RABGAP1L: variants seen among roughly 807,000 people sequenced by gnomAD.
The protein encoded by RABGAP1L is RAB GTPase activating protein 1 like, also known as rab GTPase-activating protein 1-like.
RABGAP1L carries 63 observed loss-of-function variants against 137.7 expected under a neutral mutation model. That is an observed-to-expected ratio of 0.46 (90% CI 0.37 to 0.56). RABGAP1L has a LOEUF of 0.56. RABGAP1L is among the 20% of genes least tolerant of loss of function. The probability of loss-of-function intolerance (pLI) is 0.00; values close to 1 mark genes in which losing one functional copy is unlikely to be tolerated. For missense variants in RABGAP1L, 1,095 were observed against 1,244.0 expected (o/e 0.88, Z 1.80); for synonymous variants, 431 against 433.7 (o/e 0.99, Z 0.08).
At chr1:174,400,774 T>G (rs1366394104) in intron 13 of RABGAP1L, among the ~76,000 whole-genome samples, 1 of 152,096 alleles carries the variant, frequency 6.6e-6, no homozygotes, top group East Asian at 1.9e-4. Flanking sequence ...TAGTGGGTCA[T>G]GTAGATTGAG....
chr1:174,533,242 A>G (rs1026823005), intron 13 of RABGAP1L, among the ~76,000 whole-genome samples: 5 of 152,212 alleles, frequency 3.3e-5, no homozygotes, highest in African/African-American at 1.2e-4. Context: ...TCAAAAATAA[A>G]TAAGCAAACA....
intron 19 of RABGAP1L, among the ~76,000 whole-genome samples, chr1:174,888,965 G>A (rs993738539): frequency 1.6e-4 from 24 of 152,104 alleles, no homozygotes; most frequent in African/African-American, 5.6e-4. Flanking sequence ...ATGTGTGTGT[G>A]TATGCATAAG....
At chr1:174,350,017 A>T (rs1306348215) in intron 11 of RABGAP1L, among the ~76,000 whole-genome samples, 1 of 92,080 alleles carries the variant, frequency 1.1e-5, no homozygotes, top group East Asian at 4.1e-4. Flanking sequence ...GGGGCTCCTC[A>T]CTTCCCAGTA....
chr1:174,953,347 G>A (rs181563549), intron 19 of RABGAP1L, among the ~76,000 whole-genome samples: 1 of 152,272 alleles, frequency 6.6e-6, no homozygotes, highest in Non-Finnish European at 1.5e-5. Context: ...TCCGTCTGAG[G>A]CCAGCATGGC....
intron 1 of RABGAP1L, among the ~76,000 whole-genome samples, chr1:174,209,912 T>C (rs995086977): frequency 1.2e-4 from 19 of 152,270 alleles, no homozygotes; most frequent in African/African-American, 4.1e-4. Flanking sequence ...GGAGATTCCA[T>C]TGGTTTGAGA....
intron 17 of RABGAP1L, among the ~76,000 whole-genome samples, chr1:174,744,341 ATTAAC>A (rs79710842): frequency 0.09 from 13,692 of 152,200 alleles, 830 homozygotes; most frequent in East Asian, 0.22. Context: ...AGCAGCTAGT[ATTAAC>A]TTATTTCTTT....
intron 19 of RABGAP1L, among the ~76,000 whole-genome samples, chr1:174,816,851 C>T (rs1052591187): frequency 2.6e-5 from 4 of 152,114 alleles, no homozygotes; most frequent in African/African-American, 9.7e-5. Flanking sequence ...CCTGCCCAGC[C>T]TTCCGAGTAG....
At chr1:174,639,375 A>G (rs1349299278) in intron 14 of RABGAP1L, among the ~76,000 whole-genome samples, 4 of 152,208 alleles carry the variant, frequency 2.6e-5, no homozygotes, top group African/African-American at 9.6e-5. Context: ...CCACAAAAAA[A>G]GGTATATGTT....
intron 20 of RABGAP1L, among the ~76,000 whole-genome samples, chr1:174,966,044 A>C (rs2149358693): frequency 6.6e-6 from 1 of 152,328 alleles, no homozygotes; most frequent in South Asian, 2.1e-4. Flanking sequence ...TCTCTAATCA[A>C]CAGTGAAGTA....
intron 19 of RABGAP1L, among the ~76,000 whole-genome samples, chr1:174,833,830 G>A (rs1692442662): frequency 6.6e-6 from 1 of 152,034 alleles, no homozygotes; most frequent in African/African-American, 2.4e-5. Context: ...GAAACAGAAA[G>A]TTGTTTTAAG....
At chr1:174,982,929 A>T in intron 24 of RABGAP1L, 24 bp downstream of exon 24, 1 of 1,549,422 alleles carries the variant, frequency 6.5e-7, no homozygotes, top group African/African-American at 1.4e-5. Context: ...TCGTGCTGTG[A>T]TAAAATTTAT....
intron 18 of RABGAP1L, chr1:174,800,465 A>T: frequency 6.4e-7 from 1 of 1,550,892 alleles, no homozygotes; most frequent in Non-Finnish European, 8.7e-7. Flanking sequence ...ACTTCTGGGG[A>T]TGGGGCATCG....
intron 13 of RABGAP1L, among the ~76,000 whole-genome samples, chr1:174,398,926 A>C (rs1648214113): frequency 6.6e-6 from 1 of 152,190 alleles, no homozygotes; most frequent in East Asian, 1.9e-4. Context: ...ACTAATTGCC[A>C]CTTGAGATTG....
At chr1:174,353,740 C>T (rs1473921902) in intron 11 of RABGAP1L, among the ~76,000 whole-genome samples, 3 of 152,196 alleles carry the variant, frequency 2.0e-5, no homozygotes, top group African/African-American at 7.2e-5. Flanking sequence ...TGTGCTCTGT[C>T]TTCCCCAAGT....
intron 1 of RABGAP1L, among the ~76,000 whole-genome samples, chr1:174,176,976 T>C (rs1216277675): frequency 1.3e-5 from 2 of 152,078 alleles, no homozygotes; most frequent in Non-Finnish European, 1.5e-5. Flanking sequence ...CTCGGGAGGC[T>C]GAAGAAGGAC....
At chr1:174,530,090 T>TCC (rs1299669338) in intron 13 of RABGAP1L, among the ~76,000 whole-genome samples, 1 of 150,310 alleles carries the variant, frequency 6.7e-6, no homozygotes, top group African/African-American at 2.4e-5. Context: ...AGGAAGCAGT[T>TCC]GTGCTGCTGC....
At chr1:174,434,093 G>A (rs548796917) in intron 13 of RABGAP1L, among the ~76,000 whole-genome samples, 93 of 133,044 alleles carry the variant, frequency 7.0e-4, no homozygotes, top group African/African-American at 2.5e-3. Flanking sequence ...GCACATGAGC[G>A]CATGCGTGTA....
intron 13 of RABGAP1L, among the ~76,000 whole-genome samples, chr1:174,518,319 G>A (rs1482880169): frequency 6.6e-6 from 1 of 152,106 alleles, no homozygotes; most frequent in Non-Finnish European, 1.5e-5. Flanking sequence ...GACGCCCACA[G>A]ACGCCAACCT....
chr1:174,318,092 G>A (rs1463513825), intron 11 of RABGAP1L, among the ~76,000 whole-genome samples: 1 of 151,032 alleles, frequency 6.6e-6, no homozygotes, highest in Non-Finnish European at 1.5e-5. Context: ...GCAATAAGAA[G>A]TTAAAACCAG....
Sources: allele counts gnomAD v4.1 joint callset (sites outside exome capture counted in the v4.1 genomes callset), GRCh38; gene constraint gnomAD v4.1.1; transcripts MANE v1.5; gene names NCBI Gene and HGNC (gene_info 2026-07-23, HGNC 2026-07-21).